SH3TC1: variants seen among roughly 807,000 people sequenced by gnomAD.
The protein encoded by SH3TC1 is SH3 domain and tetratricopeptide repeat-containing protein 1.
SH3TC1 carries 135 observed loss-of-function variants against 117.3 expected under a neutral mutation model. That is an observed-to-expected ratio of 1.15 (90% CI 1.00 to 1.33). The LOEUF (loss-of-function observed/expected upper bound fraction) is 1.33. Among genes scored for constraint, SH3TC1 ranks in the 40% most tolerant of loss-of-function variants. The pLI, the probability that SH3TC1 is intolerant of heterozygous loss-of-function variation, is 0.00. For synonymous variants in SH3TC1, 898 were observed against 816.9 expected (o/e 1.10, Z -1.69); for missense variants, 2,092 against 1,794.3 (o/e 1.17, Z -3.00).
Position 8,205,596 on chromosome 4 carries a change from G to T in SH3TC1, c.172+230G>T. 2.6e-6 allele frequency: 2 copies of T among 778,980 alleles called. No homozygotes were observed. The highest frequency in any genetic ancestry group is 4.6e-6 in the Non-Finnish European group (2 of 430,326). 48.3% of individuals were successfully genotyped at this position (778,980 alleles called of 1,614,324 possible). On this transcript the variant is annotated intron_variant, in intron 2 of 17. Transcript: ENST00000245105. This position sits in a 1 kb window ranked among gnomAD's most constrained non-coding sequence, Gnocchi z 5.4. ...AGGGCCCAGCTCGTGTTTTTCCAGG[G>T]ACGCGTCAGTGATAACAAAACTGGC...
At chr4:8,194,075 C>G (rs1016355918) in intron 1 of SH3TC1, among the ~76,000 whole-genome samples, 2 of 152,228 alleles carry the variant, frequency 1.3e-5, no homozygotes, top group Admixed American at 6.5e-5. Flanking sequence ...GAGTTGCAGC[C>G]TGGGGCTCGG....
Position 8,222,757 on chromosome 4 carries a change from A to C in SH3TC1, c.1113-83A>C. On this transcript the variant is annotated intron_variant, in intron 9 of 17. Coordinates refer to ENST00000245105, the MANE Select transcript of SH3TC1 (RefSeq NM_018986.5). ...GTGCTCCGAGACTATCTGTCTGTCA[A>C]ATCAAGGAATGGAAATGTGCTTAGT... 3 of 1,536,684 alleles carry C rather than the reference A, an allele frequency of 2.0e-6. No individual in the cohort carries two copies. In the South Asian group the frequency reaches 3.6e-5, roughly 18 times the overall value.
Position 8,218,299 on chromosome 4 carries a change from A to G in SH3TC1, c.868A>G (p.Ile290Val), listed in dbSNP as rs1355548762. 1.9e-6 allele frequency: 3 copies of G among 1,612,478 alleles called. No homozygotes were observed. Among genetic ancestry groups the G allele is most frequent in the East Asian group, 2.2e-5 (1 of 44,824 alleles). The change falls in exon 8 of 18, where the codon ATC (isoleucine) becomes GTC (valine). Residue 290 changes from isoleucine (I) to valine (V), a missense_variant. Transcript: ENST00000245105. Reference protein sequence around the residue: ...QWALRIPQDPIDDAMGGPVMP... With the variant: ...QWALRIPQDPVDDAMGGPVMP... ...GGCTCTTAGGATCCCCCAGGACCCC[A>G]TCGACGATGCCATGGGTGGCCCTGT... is the stretch of plus-strand genomic sequence containing the variant.
At position 8,227,871 on chromosome 4, in the gene SH3TC1, T is replaced by A; in HGVS notation, c.2177T>A (p.Val726Glu). The A allele has an allele frequency of 6.2e-7, 1 of 1,612,824 alleles. No homozygotes were observed. The highest frequency in any genetic ancestry group is 8.5e-7 in the Non-Finnish European group (1 of 1,179,968). The change falls in exon 12 of 18, where the codon GTG becomes GAG. Residue 726 changes from valine (V) to glutamate (E), a missense_variant. By Grantham distance (121) the Val-to-Glu change is moderately radical (BLOSUM62 -2). Transcript: ENST00000245105. Reference sequence around the variant, plus strand: ...AGCCGCAAGTGCCTGCCCCACCTGGTGCTGAGCTGTGTCAAGGTGGCCTCA... The same window carrying A: ...AGCCGCAAGTGCCTGCCCCACCTGGAGCTGAGCTGTGTCAAGGTGGCCTCA... ...IYSRKCLPHL[V>E]LSCVKVASLR...
At position 8,210,797 on chromosome 4, in the gene SH3TC1, T is replaced by C. The variant is rs13152394; in HGVS notation, c.247+975T>C. Reference sequence around the variant, plus strand: ...AAAGGCCGTCACAGCTCAGGAACCATTGTGGAATGATGGGCTGGTGCCTCC... The same window carrying C: ...AAAGGCCGTCACAGCTCAGGAACCACTGTGGAATGATGGGCTGGTGCCTCC... On this transcript the variant is annotated intron_variant, in intron 3 of 17. Transcript: ENST00000245105. The surrounding 1 kb of genome is among the most constrained non-coding windows in gnomAD (Gnocchi z 4.1). 0.17 allele frequency among the ~76,000 whole-genome samples: 24,672 copies of C among 143,178 alleles called. 2,581 individuals are homozygous for C. The highest frequency in any genetic ancestry group is 0.29 in the East Asian group (1,380 of 4,796). The allele number at this position is 143,178 out of a possible 152,430, so 93.9% of individuals were successfully genotyped here.
chr4:8,219,994 G>A (rs1458036544), intron 9 of SH3TC1, among the ~76,000 whole-genome samples: 16 of 152,250 alleles, frequency 1.1e-4, no homozygotes, highest in Admixed American at 7.2e-4. Context: ...GCACTCTGCC[G>A]CCGTCTCCAC....
chr4:8,227,944 G>C lies in SH3TC1; in HGVS notation c.2250G>C (p.Leu750=), dbSNP rs1034999481. The C allele has an allele frequency of 1.9e-6, 3 of 1,612,476 alleles. No homozygotes were observed. In the African/African-American group the frequency reaches 4.0e-5, roughly 22 times the overall value. ...SLAGSLRSVN[L]VLQNAPQPHS... is the part of the protein sequence containing the mutation. ...CCGGCTCGCTGAGGAGTGTGAACCT[G>C]GTGCTCCAGAACGCCCCCCAGCCCC... Residue 750 remains leucine (L), a synonymous_variant, in exon 12 of 18, where the codon CTG becomes CTC. Coordinates refer to ENST00000245105, the MANE Select transcript of SH3TC1 (RefSeq NM_018986.5).
intron 17 of SH3TC1, among the ~76,000 whole-genome samples, chr4:8,238,346 C>T (rs1722008217): frequency 6.6e-6 from 1 of 152,174 alleles, no homozygotes; most frequent in Non-Finnish European, 1.5e-5. Flanking sequence ...GACCTGTGCT[C>T]CCTCTGCGCC....
Position 8,190,807 on chromosome 4 carries a change from A to AT in SH3TC1, c.-57+8604dup, listed in dbSNP as rs1429951514. 6.6e-6 allele frequency among the ~76,000 whole-genome samples: 1 copy of AT among 151,792 alleles called. No individual in the cohort carries two copies. The highest frequency in any genetic ancestry group is 1.5e-5 in the Non-Finnish European group (1 of 67,922). On this transcript the variant is annotated intron_variant, in intron 1 of 16. Transcript: ENST00000508641. The surrounding 1 kb of genome is among the most constrained non-coding windows in gnomAD (Gnocchi z 4.7). ...AGGCACGCACCACCATGCCCAGCTA[A>AT]TTTTTTTGTATTTTTTGTAGAGACG...
At chr4:8,204,323 C>CA (rs1938197280) in intron 1 of SH3TC1, among the ~76,000 whole-genome samples, 1 of 152,196 alleles carries the variant, frequency 6.6e-6, no homozygotes, top group African/African-American at 2.4e-5. Context: ...CCCCACCTCA[C>CA]ATTTCACCAA....
At chr4:8,182,116 G>C in exon 1 of SH3TC1, 1 of 152,524 alleles carries the variant, frequency 6.6e-6, no homozygotes. Context: ...GCTGGGCTGT[G>C]TGGCTGTCCT....
chr4:8,224,902 C>T, intron 10 of SH3TC1: 1 of 471,104 alleles, frequency 2.1e-6, no homozygotes. Context: ...GATGCTAGAA[C>T]ATGAGAATTC....
At chr4:8,208,379 A>C (rs1281135) in intron 2 of SH3TC1, among the ~76,000 whole-genome samples, 1 of 144,574 alleles carries the variant, frequency 6.9e-6, no homozygotes, top group Middle Eastern at 3.6e-3. Context: ...CTTTTTTTTT[A>C]TTTTTTGAGA....
chr4:8,229,817 C>T (rs928340454), intron 12 of SH3TC1, among the ~76,000 whole-genome samples: 2 of 152,194 alleles, frequency 1.3e-5, no homozygotes, highest in African/African-American at 4.8e-5. Flanking sequence ...TGGGTCCTGG[C>T]ACAATAGCCT....
At chr4:8,238,166 G>T (rs1475682747) in intron 17 of SH3TC1, among the ~76,000 whole-genome samples, 1 of 152,062 alleles carries the variant, frequency 6.6e-6, no homozygotes, top group East Asian at 1.9e-4. Flanking sequence ...CTGGAGTCCC[G>T]AGACACCTTG....
In SH3TC1 at chr4:8,225,241, T is replaced by G. The variant is rs202115592; in HGVS notation, c.1285+25T>G. 59 of 1,609,586 alleles carry G rather than the reference T, an allele frequency of 3.7e-5. 1 individual carries two copies. The highest frequency in any genetic ancestry group is 2.5e-5 in the Non-Finnish European group (30 of 1,178,176). Reference sequence around the variant, plus strand: ...GGTGGGTTTTGCCAGTGGCTCAGGCTTCCTCTGGTTATGAGCTGGGCCTTG... The same window carrying G: ...GGTGGGTTTTGCCAGTGGCTCAGGCGTCCTCTGGTTATGAGCTGGGCCTTG... On this transcript the variant is annotated intron_variant, in intron 11 of 17. Transcript: ENST00000245105. The surrounding 1 kb of genome is among the most constrained non-coding windows in gnomAD (Gnocchi z 5.5).
chr4:8,232,753 A>C, intron 13 of SH3TC1: 1 of 1,289,590 alleles, frequency 7.8e-7, no homozygotes, highest in Non-Finnish European at 1.0e-6. Context: ...TCACCAAGAG[A>C]GCAGGGAAGG....
At chr4:8,207,065 T>C (rs544739583) in intron 2 of SH3TC1, among the ~76,000 whole-genome samples, 31 of 129,186 alleles carry the variant, frequency 2.4e-4, no homozygotes, top group African/African-American at 8.7e-4. Context: ...ATCCCAATAA[T>C]ATCCTTTATA....
Position 8,225,087 on chromosome 4 carries a change from C to G in SH3TC1, c.1244-88C>G, listed in dbSNP as rs1720334660. 2 of 1,507,474 alleles carry G rather than the reference C, an allele frequency of 1.3e-6. No individual in the cohort carries two copies. The highest frequency in any genetic ancestry group is 1.8e-6 in the Non-Finnish European group (2 of 1,094,390). 93.4% of individuals were successfully genotyped at this position (1,507,474 alleles called of 1,614,324 possible). ...ATACCTGCACCCAGCAATGCTCTCA[C>G]CCTGCAACATCGACACTAGCTCAAC... On this transcript the variant is annotated intron_variant, in intron 10 of 17. Transcript: ENST00000245105. This position sits in a 1 kb window ranked among gnomAD's most constrained non-coding sequence, Gnocchi z 5.5.
Sources: gnomAD v4.1 joint callset for allele counts (sites outside exome capture counted in the v4.1 genomes callset) on GRCh38, gnomAD v4.1.1 for gene constraint, Gnocchi (gnomAD v3.1) non-coding constraint, MANE v1.5 for transcripts, NCBI Gene and HGNC (gene_info 2026-07-23, HGNC 2026-07-21) for gene names.